Variants in TNNT2 observed in about 807,000 individuals in gnomAD.
TNNT2 encodes the protein troponin T2, cardiac type, also known as troponin T, cardiac muscle.
A neutral mutation model predicts 62.4 loss-of-function variants in TNNT2; 34 were observed. That is an observed-to-expected ratio of 0.54 (90% confidence interval 0.41 to 0.72). The LOEUF (loss-of-function observed/expected upper bound fraction) is 0.72. Ranked by LOEUF, TNNT2 falls within the 30% of genes least tolerant of loss-of-function variation. TNNT2 has a pLI of 0.00. For synonymous variants in TNNT2, 123 were observed against 127.2 expected (o/e 0.97, Z 0.22); for missense variants, 275 against 381.9 (o/e 0.72, Z 2.33).
intron 1 of TNNT2, chr1:201,373,961 CT>C (rs1355263057): frequency 6.4e-6 from 1 of 155,226 alleles, no homozygotes; most frequent in Non-Finnish European, 1.4e-5. Context: ...GAACTTGTCT[CT>C]AAATAAATAA....
intron 2 of TNNT2, 158 bp downstream of exon 2, chr1:201,373,056 G>A (rs2102315097): frequency 1.3e-6 from 1 of 785,304 alleles, no homozygotes; most frequent in Non-Finnish European, 2.3e-6. Flanking sequence ...AGGGGTACAG[G>A]AGTGGAAAGG....
chr1:201,367,866 G>A (rs1027675357), intron 6 of TNNT2, 60 bp from the exon 7 acceptor site: 30 of 1,593,222 alleles, frequency 1.9e-5, no homozygotes, highest in South Asian at 7.7e-5. Flanking sequence ...CCCCCCCTCC[G>A]CCACCAGCAA....
chr1:201,363,390 C>T lies in TNNT2; in HGVS notation c.506G>A (p.Arg169Gln), dbSNP rs45501500. Residue 169 changes from arginine (R) to glutamine (Q), a missense_variant, in exon 12 of 17, where the codon CGA becomes CAA. Coordinates refer to ENST00000656932, the MANE Select transcript of TNNT2 (RefSeq NM_001276345.2). The part of the protein sequence containing the change: ...QNRLAEERAR[R>Q]EEEENRRKAE... ...CTTCCTCCTGTTCTCCTCCTCCTCT[C>T]GTCGAGCCCTCTCTTCCTGATTTAC... 2 of 1,614,166 alleles carry T rather than the reference C, an allele frequency of 1.2e-6. No homozygotes were observed. Among genetic ancestry groups the T allele is most frequent in the Non-Finnish European group, 1.7e-6 (2 of 1,180,028 alleles).
At chr1:201,371,136 TA>T (rs1660551863) in intron 4 of TNNT2, among the ~76,000 whole-genome samples, 1 of 152,110 alleles carries the variant, frequency 6.6e-6, no homozygotes, top group Non-Finnish European at 1.5e-5. Flanking sequence ...TGGACCTTCA[TA>T]GAGACCCTTC....
intron 12 of TNNT2, 166 bp downstream of exon 12, chr1:201,363,130 C>G: frequency 2.0e-6 from 2 of 985,416 alleles, no homozygotes; most frequent in Non-Finnish European, 2.4e-6. Context: ...CGCGGTCAGG[C>G]TGAAAACCAG....
At chr1:201,362,644 C>A (rs1658896622) in intron 12 of TNNT2, among the ~76,000 whole-genome samples, 1 of 152,120 alleles carries the variant, frequency 6.6e-6, no homozygotes, top group East Asian at 1.9e-4. Context: ...CAGGGGGTGG[C>A]CTAGTCCTGA....
At chr1:201,363,890 T>C (rs1255681297) in intron 11 of TNNT2, 3 of 12,150 alleles carry the variant, frequency 2.5e-4, no homozygotes, top group Non-Finnish European at 6.2e-4. Context: ...TTTTTTTTCC[T>C]TTTTTTTTTT....
intron 12 of TNNT2, 126 bp downstream of exon 12, chr1:201,363,170 C>G (rs1659016026): frequency 6.3e-7 from 1 of 1,589,146 alleles, no homozygotes; most frequent in Non-Finnish European, 8.6e-7. Context: ...AGACCTCAGT[C>G]TTCCACCCAC....
Position 201,359,610 on chromosome 1 carries a change from C to A in TNNT2, c.851+13G>T, listed in dbSNP as rs1172938770. 6.3e-7 allele frequency: 1 copy of A among 1,598,744 alleles called. No individual in the cohort carries two copies. The highest frequency in any genetic ancestry group is 8.5e-7 in the Non-Finnish European group (1 of 1,171,076). On this transcript the variant is annotated intron_variant, in intron 16 of 16. Transcript: ENST00000656932. The stretch of plus-strand genomic sequence containing the variant: ...AGGGGGAGGGCTAGGCGAGAATGAC[C>A]TCAGACACTTACACTTTCTGGTTAT...
intron 2 of TNNT2, among the ~76,000 whole-genome samples, chr1:201,372,599 C>T (rs1277136654): frequency 2.0e-5 from 3 of 152,218 alleles, no homozygotes; most frequent in Non-Finnish European, 2.9e-5. Context: ...GCCCGCCCTC[C>T]ACACCAGGCC....
At chr1:201,361,555 A>G (rs571896065) in intron 14 of TNNT2, among the ~76,000 whole-genome samples, 186 bp from the exon 15 acceptor site, 28 of 152,274 alleles carry the variant, frequency 1.8e-4, no homozygotes, top group African/African-American at 6.5e-4. Flanking sequence ...CCCAGTGCTC[A>G]GGAACGGACA....
intron 7 of TNNT2, 39 bp from the exon 8 acceptor site, chr1:201,366,910 C>A (rs1659761709): frequency 6.2e-7 from 1 of 1,614,010 alleles, no homozygotes; most frequent in Non-Finnish European, 8.5e-7. Context: ...GGTCAGGGGG[C>A]CCCAGAAGTG....
chr1:201,362,885 A>T (rs1658943174), intron 12 of TNNT2, among the ~76,000 whole-genome samples: 1 of 152,196 alleles, frequency 6.6e-6, no homozygotes, highest in Non-Finnish European at 1.5e-5. Context: ...AAGGCAGGCA[A>T]TATGAGTGCC....
chr1:201,365,102 G>C (rs1571626314), intron 10 of TNNT2, 89 bp downstream of exon 10: 2 of 1,139,180 alleles, frequency 1.8e-6, no homozygotes, highest in East Asian at 4.7e-5. Flanking sequence ...CGCCGAGGAA[G>C]GCTGTCTGGA....
At chr1:201,366,216 G>A (rs1470044548) in intron 8 of TNNT2, 2 of 1,028,744 alleles carry the variant, frequency 1.9e-6, no homozygotes, top group Admixed American at 5.0e-5. Flanking sequence ...GAAGGCACTG[G>A]GCAAATAAAT....
intron 14 of TNNT2, among the ~76,000 whole-genome samples, chr1:201,361,701 G>A (rs993787225): frequency 1.3e-5 from 2 of 152,354 alleles, no homozygotes; most frequent in African/African-American, 4.8e-5. Context: ...GAGGGGTGGG[G>A]CACCTGCTCA....
At position 201,364,303 on chromosome 1, in the gene TNNT2, G is replaced by T. The variant is rs1177689921; in HGVS notation, c.484C>A (p.Leu162Met). ...NEREKERQNRLAEERARREEE... is the reference protein window; with the variant it reads ...NEREKERQNRMAEERARREEE... ...CTGGGCTAGGGGTCACTCACAGCCA[G>T]GCGGTTCTGCCGCTCCTTCTCCCGC... Residue 162 changes from leucine (L) to methionine (M), a missense_variant, in exon 11 of 17, where the codon CTG (leucine) becomes ATG (methionine). Physicochemically the swap from Leu to Met is conservative, Grantham distance 15. Coordinates refer to ENST00000656932, the MANE Select transcript of TNNT2 (RefSeq NM_001276345.2). 6.2e-7 allele frequency: 1 copy of T among 1,612,534 alleles called. No homozygotes were observed. Among genetic ancestry groups the T allele is most frequent in the African/African-American group, 1.3e-5 (1 of 75,058 alleles).
chr1:201,373,520 G>A, intron 1 of TNNT2: 1 of 551,434 alleles, frequency 1.8e-6, no homozygotes, highest in Non-Finnish European at 3.3e-6. Flanking sequence ...TACTGCCTGG[G>A]ATGCTGCATT....
chr1:201,372,960 T>C, intron 2 of TNNT2: 1 of 648,666 alleles, frequency 1.5e-6, no homozygotes, highest in Non-Finnish European at 2.9e-6. Flanking sequence ...TAGCCAAGAC[T>C]GGCCAAGGAC....
Sources: allele counts gnomAD v4.1 joint callset (sites outside exome capture counted in the v4.1 genomes callset), GRCh38; gene constraint gnomAD v4.1.1; transcripts MANE v1.5; gene names NCBI Gene and HGNC (gene_info 2026-07-23, HGNC 2026-07-21).